Variants in SOD2 observed in about 807,000 individuals in gnomAD.
SOD2 encodes the protein superoxide dismutase [Mn], mitochondrial.
A neutral mutation model predicts 27.0 loss-of-function variants in SOD2; 11 were observed. The ratio of observed to expected loss-of-function variants is 0.41; its 90% CI spans 0.26 to 0.67. The LOEUF (loss-of-function observed/expected upper bound fraction) is 0.67. Ranked by LOEUF, SOD2 falls within the 30% of genes least tolerant of loss-of-function variation. The probability of loss-of-function intolerance (pLI) is 0.34; values close to 1 mark genes in which losing one functional copy is unlikely to be tolerated. For synonymous variants in SOD2, 105 were observed against 103.0 expected, an observed-to-expected ratio of 1.02 and a Z score of -0.12; for missense variants, 250 against 274.5, an observed-to-expected ratio of 0.91 and a Z score of 0.63.
Position 159,673,856 on chromosome 6 carries a change from C to T in SOD2, c.*8637G>A, listed in dbSNP as rs1779720576. On this transcript the variant is annotated 3_prime_UTR_variant, in exon 5 of 5. Coordinates refer to ENST00000538183, the MANE Select transcript of SOD2 (RefSeq NM_000636.4). Reference sequence around the variant, plus strand: ...CACAATTGATAGACCGCTAGCAAGACTAATAAACAAGAAAAGAGAGAAGAA... The same window carrying T: ...CACAATTGATAGACCGCTAGCAAGATTAATAAACAAGAAAAGAGAGAAGAA... 1 of 151,920 alleles carries T rather than the reference C, an allele frequency of 6.6e-6. No individual in the cohort carries two copies. The highest frequency in any genetic ancestry group is 6.6e-5 in the Admixed American group (1 of 15,244). 9.4% of individuals were successfully genotyped at this position (151,920 alleles called of 1,614,324 possible). A position where few individuals can be genotyped will look rare whatever the true frequency, so the allele number is the denominator to read the frequency against.
intron 1 of SOD2, among the ~76,000 whole-genome samples, chr6:159,706,720 G>A (rs1426335400): frequency 2.0e-5 from 3 of 152,064 alleles, no homozygotes; most frequent in Non-Finnish European, 4.4e-5. Flanking sequence ...GAGACAGAAA[G>A]TTAACAAGGA....
intron 1 of SOD2, among the ~76,000 whole-genome samples, chr6:159,751,129 C>G (rs1384925808): frequency 1.3e-5 from 2 of 152,040 alleles, no homozygotes; most frequent in African/African-American, 4.8e-5. Flanking sequence ...AAAATTATTT[C>G]AAAAACAACT....
At chr6:159,718,161 T>A (rs1777959360) in intron 1 of SOD2, among the ~76,000 whole-genome samples, 1 of 151,884 alleles carries the variant, frequency 6.6e-6, no homozygotes, top group Admixed American at 6.6e-5. Context: ...CCTGGCTAAT[T>A]TTTATTTTTT....
In SOD2 at chr6:159,675,405, G is replaced by C. The variant is rs1028446653; in HGVS notation, c.*7088C>G. 6.6e-6 allele frequency: 1 copy of C among 152,144 alleles called. No homozygotes were observed. The highest frequency in any genetic ancestry group is 6.6e-5 in the Admixed American group (1 of 15,262). 9.4% of individuals were successfully genotyped at this position (152,144 alleles called of 1,614,324 possible). On this transcript the variant is annotated 3_prime_UTR_variant, in exon 5 of 5. Coordinates refer to ENST00000538183, the MANE Select transcript of SOD2 (RefSeq NM_000636.4). ...GTACTAGTACCAAAACAGAGATATAGACCAATGGAACAGAACAGAGCCCTC... is the reference window on the plus strand; with the variant it reads ...GTACTAGTACCAAAACAGAGATATACACCAATGGAACAGAACAGAGCCCTC...
At chr6:159,745,814 C>G (rs977627464), upstream of SOD2, among the ~76,000 whole-genome samples, 1 of 152,060 alleles carries the variant, frequency 6.6e-6, no homozygotes, top group Admixed American at 6.6e-5. Flanking sequence ...TAAAATAGTT[C>G]AGATGAAATA....
At chr6:159,742,592 AAAT>A (rs1779324516) in intron 1 of SOD2, among the ~76,000 whole-genome samples, 1 of 152,174 alleles carries the variant, frequency 6.6e-6, no homozygotes, top group South Asian at 2.1e-4. Context: ...AATCTGCTGA[AAAT>A]AACGTTTATC....
chr6:159,718,932 GATTAAC>G (rs1056255665), intron 1 of SOD2, among the ~76,000 whole-genome samples: 47 of 151,608 alleles, frequency 3.1e-4, no homozygotes, highest in African/African-American at 1.0e-3. Context: ...GAGCGTCGTG[GATTAAC>G]ATTAACATTT....
intron 1 of SOD2, among the ~76,000 whole-genome samples, chr6:159,759,746 CAT>C (rs796261907): frequency 2.2e-4 from 34 of 152,132 alleles, no homozygotes; most frequent in African/African-American, 6.5e-4. Flanking sequence ...AGTAGATAAT[CAT>C]ATGAGTAGCT....
chr6:159,736,479 G>A (rs1778925081), intron 1 of SOD2: 1 of 449,528 alleles, frequency 2.2e-6, no homozygotes, highest in Non-Finnish European at 3.9e-6. Context: ...CTTATATCCA[G>A]TATATTTTTT....
rs763455003 is a variant in SOD2, at chr6:159,720,847, C to CTTTTT, written c.-116+6277_-116+6281dup. Among the ~76,000 whole-genome samples the CTTTTT allele has an allele frequency of 3.3e-3, 195 of 59,962 alleles. 50 individuals carry two copies. Among genetic ancestry groups the CTTTTT allele is most frequent in the East Asian group, 0.018 (35 of 1,956 alleles). The allele number at this position is 59,962 out of a possible 152,430, so 39.3% of individuals were successfully genotyped here. On this transcript the variant is annotated intron_variant, in intron 1 of 2. Coordinates refer to the SOD2 transcript ENST00000401980. ...CACTATACAGGTGTATTTTCTTTAC[C>CTTTTT]TTTTTTTTTTTTTTTTTTTTTTTTT...
At chr6:159,699,121 T>C (rs113554004) in intron 1 of SOD2, among the ~76,000 whole-genome samples, 88 of 152,262 alleles carry the variant, frequency 5.8e-4, no homozygotes, top group Admixed American at 2.4e-3. Context: ...CCTTATCTAA[T>C]TGGAGCCCAA....
chr6:159,734,325 C>T (rs1016361439), intron 1 of SOD2, among the ~76,000 whole-genome samples: 2 of 147,890 alleles, frequency 1.4e-5, no homozygotes, highest in African/African-American at 2.5e-5. Flanking sequence ...AAGTAGCTTT[C>T]GAGATGATGC....
chr6:159,697,353 C>T (rs1274903442), upstream of SOD2, among the ~76,000 whole-genome samples: 1 of 152,002 alleles, frequency 6.6e-6, no homozygotes, highest in Non-Finnish European at 1.5e-5. Context: ...TTGGTTGTAA[C>T]CTGTCCTTTG....
In SOD2 at chr6:159,712,447, G is replaced by A. The variant is rs28588612; in HGVS notation, c.-116+14682C>T. ...CACCTCCATAACCACCACTCACACT[G>A]CTCAGACCTCCATAACCACCTCCAT... On this transcript the variant is annotated intron_variant, in intron 1 of 2. Transcript: ENST00000401980. 9.9e-4 allele frequency among the ~76,000 whole-genome samples: 27 copies of A among 27,292 alleles called. 1 individual carries two copies. The highest frequency in any genetic ancestry group is 2.2e-3 in the Admixed American group (4 of 1,802). The allele number at this position is 27,292 out of a possible 152,430, so 17.9% of individuals were successfully genotyped here. A position where few individuals can be genotyped will look rare whatever the true frequency, so the allele number is the denominator to read the frequency against.
chr6:159,746,322 C>A (rs1470454544), upstream of SOD2, among the ~76,000 whole-genome samples: 1 of 152,026 alleles, frequency 6.6e-6, no homozygotes, highest in African/African-American at 2.4e-5. Context: ...AAGGATTGGC[C>A]CTGAGAAGGA....
intron 1 of SOD2, among the ~76,000 whole-genome samples, chr6:159,759,938 AAAG>A (rs1207373690): frequency 1.3e-5 from 2 of 152,222 alleles, no homozygotes; most frequent in Non-Finnish European, 2.9e-5. Flanking sequence ...CACTGGCCAT[AAAG>A]AATATTGGTG....
chr6:159,705,300 G>C (rs1019802204), intron 1 of SOD2, among the ~76,000 whole-genome samples: 2 of 152,186 alleles, frequency 1.3e-5, no homozygotes, highest in African/African-American at 4.8e-5. Context: ...AGAGAAGAAG[G>C]CTTCAGACGA....
At chr6:159,713,010 C>T in intron 1 of SOD2, 1 of 637,622 alleles carries the variant, frequency 1.6e-6, no homozygotes, top group Non-Finnish European at 2.9e-6. Flanking sequence ...TCAACATCTG[C>T]CCTACCAGTA....
At chr6:159,685,219 CTT>C (rs750824041) in intron 3 of SOD2, among the ~76,000 whole-genome samples, 186 bp from the exon 4 acceptor site, 17 of 73,914 alleles carry the variant, frequency 2.3e-4, no homozygotes, top group African/African-American at 7.5e-4. Context: ...ATAACTTCAA[CTT>C]TTTTTTTTTT....
Sources: gnomAD v4.1 joint callset for allele counts (sites outside exome capture counted in the v4.1 genomes callset) on GRCh38, gnomAD v4.1.1 for gene constraint, MANE v1.5 for transcripts, NCBI Gene and HGNC (gene_info 2026-07-23, HGNC 2026-07-21) for gene names.